The following APBB2 variants were observed in gnomAD, a reference collection of about 807,000 sequenced individuals.
APBB2 encodes amyloid beta precursor protein binding family B member 2, also known as Fe65-like 1.
In APBB2, 38 loss-of-function variants were observed where a neutral mutation model predicts 82.5. That is an observed-to-expected ratio of 0.46 (90% confidence interval 0.36 to 0.60). The LOEUF (loss-of-function observed/expected upper bound fraction) is 0.60. Ranked by LOEUF, APBB2 falls within the 20% of genes least tolerant of loss-of-function variation. The pLI, the probability that APBB2 is intolerant of heterozygous loss-of-function variation, is 0.00. For synonymous variants in APBB2, 341 were observed against 368.2 expected (o/e 0.93, Z 0.85); for missense variants, 772 against 972.3 (o/e 0.79, Z 2.74).
Position 40,812,624 on chromosome 4 carries a change from TGAG to T in APBB2, c.*3465_*3467del, listed in dbSNP as rs10537665. 120,852 of 151,830 alleles carry T rather than the reference TGAG, an allele frequency of 0.8. 48,328 individuals carry two copies. The highest frequency in any genetic ancestry group is 0.83 in the Admixed American group (12,704 of 15,264). The allele number at this position is 151,830 out of a possible 1,614,324, so 9.4% of individuals were successfully genotyped here. On this transcript the variant is annotated 3_prime_UTR_variant, in exon 18 of 18. Transcript: ENST00000508593. The stretch of plus-strand genomic sequence containing the variant: ...TGCTTGTCATGTTGTGGTGAAATCT[TGAG>T]GAGTTTGTGTTGCAATGCCTGGGAC...
chr4:40,891,302 G>C (rs1271019830), intron 11 of APBB2, among the ~76,000 whole-genome samples: 2 of 152,162 alleles, frequency 1.3e-5, no homozygotes, highest in Admixed American at 6.5e-5. Flanking sequence ...TTTGTGGGCA[G>C]AAGCACTAGA....
Position 40,994,285 on chromosome 4 carries a change from C to CA in APBB2, c.835+19297dup, listed in dbSNP as rs34027629. Among the ~76,000 whole-genome samples the CA allele has an allele frequency of 6.7e-4, 94 of 139,594 alleles. 1 individual carries two copies. The highest frequency in any genetic ancestry group is 3.7e-3 in the Middle Eastern group (1 of 268). The allele number at this position is 139,594 out of a possible 152,430, so 91.6% of individuals were successfully genotyped here. On this transcript the variant is annotated intron_variant, in intron 6 of 17. Coordinates refer to ENST00000508593, the MANE Select transcript of APBB2 (RefSeq NM_004307.2). ...CTGGGCAACAGAGCAAGACTCATCTCAAAAAAAAAAAAAAGAAACACCTAG... is the reference window on the plus strand; with the variant it reads ...CTGGGCAACAGAGCAAGACTCATCTCAAAAAAAAAAAAAAAGAAACACCTAG...
intron 10 of APBB2, among the ~76,000 whole-genome samples, chr4:40,897,688 T>C (rs62410312): frequency 0.35 from 53,275 of 151,726 alleles, 9,757 homozygotes; most frequent in East Asian, 0.66. Flanking sequence ...AGGAAACAGG[T>C]GTAAGCGGGA....
At chr4:40,907,599 G>C (rs1443552171) in intron 10 of APBB2, among the ~76,000 whole-genome samples, 3 of 149,988 alleles carry the variant, frequency 2.0e-5, no homozygotes, top group African/African-American at 7.4e-5. Context: ...TTGAATTCCT[G>C]ACCTCAGGTG....
intron 12 of APBB2, among the ~76,000 whole-genome samples, chr4:40,869,848 G>A (rs1764989398): frequency 6.6e-6 from 1 of 151,942 alleles, no homozygotes; most frequent in South Asian, 2.1e-4. Flanking sequence ...TAAATACCTA[G>A]TATTTAGTAA....
rs553368153 is a variant in APBB2, at chr4:40,863,537, T to G, written c.1529+26827A>C. On this transcript the variant is annotated intron_variant, in intron 12 of 17. Transcript: ENST00000508593. ...ATAGCAAGAATCCATACGTGAATCA[T>G]CTAAACCATGATCACACGGACAAAT... Among the ~76,000 whole-genome samples the G allele has an allele frequency of 1.9e-4, 29 of 152,254 alleles. No individual in the cohort carries two copies. In the East Asian group the frequency reaches 5.2e-3, roughly 27 times the overall value.
intron 12 of APBB2, among the ~76,000 whole-genome samples, chr4:40,850,160 A>G (rs887268883): frequency 1.3e-5 from 2 of 152,206 alleles, no homozygotes; most frequent in Non-Finnish European, 2.9e-5. Context: ...GTTTTTGTTA[A>G]GACACGGAGT....
chr4:41,214,242 GGCA>G (rs1780085776), intron 1 of APBB2, among the ~76,000 whole-genome samples, 160 bp downstream of exon 1: 1 of 152,148 alleles, frequency 6.6e-6, no homozygotes, highest in African/African-American at 2.4e-5. Flanking sequence ...CGGCTGAGCG[GGCA>G]GCAGTGGCCG....
At chr4:41,023,774 T>C (rs1712748647) in intron 5 of APBB2, among the ~76,000 whole-genome samples, 1 of 152,182 alleles carries the variant, frequency 6.6e-6, no homozygotes, top group South Asian at 2.1e-4. Flanking sequence ...AATTTACAGA[T>C]TCAATACTAT....
At chr4:41,020,612 CTTATAAGGTAATCCCAAATTTATTAGG>C (rs1811220052) in intron 5 of APBB2, among the ~76,000 whole-genome samples, 1 of 152,194 alleles carries the variant, frequency 6.6e-6, no homozygotes, top group Admixed American at 6.5e-5. Context: ...TCCATATTAA[CTTATAAGGTAATCCCAAATTTATTAGG>C]TTATAAGGTA....
At chr4:40,987,114 T>A (rs1400717195) in intron 6 of APBB2, among the ~76,000 whole-genome samples, 2 of 152,208 alleles carry the variant, frequency 1.3e-5, no homozygotes, top group Admixed American at 1.3e-4. Flanking sequence ...ATTACTATTA[T>A]CCTTAAGAGA....
chr4:41,074,326 T>A (rs1424607797), intron 3 of APBB2, among the ~76,000 whole-genome samples: 1 of 152,156 alleles, frequency 6.6e-6, no homozygotes, highest in Non-Finnish European at 1.5e-5. Flanking sequence ...AAAAAGATGA[T>A]CATTTGAGCT....
intron 1 of APBB2, among the ~76,000 whole-genome samples, chr4:41,191,196 G>C (rs1774331039): frequency 6.6e-6 from 1 of 152,132 alleles, no homozygotes; most frequent in Non-Finnish European, 1.5e-5. Flanking sequence ...GAGGAGGGTG[G>C]ACAACTTCTA....
chr4:41,208,422 C>T lies in APBB2; in HGVS notation c.-417+5983G>A, dbSNP rs375222012. ...AATTACAGGCGTGTGCCACCATGCC[C>T]GGCTAATTTTTGTATTTTTAGCAGA... is the stretch of plus-strand genomic sequence containing the variant. On this transcript the variant is annotated intron_variant, in intron 1 of 17. Coordinates refer to ENST00000508593, the MANE Select transcript of APBB2 (RefSeq NM_004307.2). 1.7e-3 allele frequency among the ~76,000 whole-genome samples: 261 copies of T among 152,192 alleles called. 2 individuals are homozygous for T. The highest frequency in any genetic ancestry group is 3.9e-3 in the African/African-American group (162 of 41,526).
chr4:40,906,800 CCT>C (rs894264363), intron 10 of APBB2, among the ~76,000 whole-genome samples: 2 of 152,138 alleles, frequency 1.3e-5, no homozygotes, highest in African/African-American at 2.4e-5. Context: ...CACATGGTCT[CCT>C]CTCTCCCATT....
At chr4:40,960,391 A>C (rs1475823744) in intron 6 of APBB2, among the ~76,000 whole-genome samples, 1 of 151,924 alleles carries the variant, frequency 6.6e-6, no homozygotes, top group African/African-American at 2.4e-5. Context: ...CTGGTCAAAA[A>C]ATTTACAAAG....
intron 12 of APBB2, among the ~76,000 whole-genome samples, chr4:40,872,241 T>C (rs908924582): frequency 2.6e-5 from 4 of 152,252 alleles, no homozygotes; most frequent in African/African-American, 9.6e-5. Flanking sequence ...GGAAGCCGTG[T>C]CTTCAGCCAA....
chr4:41,099,630 C>T (rs1397055294), intron 3 of APBB2, among the ~76,000 whole-genome samples: 1 of 151,996 alleles, frequency 6.6e-6, no homozygotes, highest in East Asian at 1.9e-4. Context: ...AACAACAGAG[C>T]TATAAAATCC....
At position 41,160,020 on chromosome 4, in the gene APBB2, GAA is replaced by G. The variant is rs1560914291; in HGVS notation, c.-416-16880_-416-16879del. On this transcript the variant is annotated intron_variant, in intron 1 of 17. Coordinates refer to ENST00000508593, the MANE Select transcript of APBB2 (RefSeq NM_004307.2). ...AGAAGAAGAAGAAGAAGAAGAAGAA[GAA>G]GAAGAAGAAGAAGAAAACATCACAG... Among the ~76,000 whole-genome samples, 7 of 147,544 alleles carry G rather than the reference GAA, an allele frequency of 4.7e-5. No individual in the cohort carries two copies. In the East Asian group the frequency reaches 1.2e-3, roughly 25 times the overall value.
Sources: gnomAD v4.1 joint callset for allele counts (sites outside exome capture counted in the v4.1 genomes callset) on GRCh38, gnomAD v4.1.1 for gene constraint, MANE v1.5 for transcripts, NCBI Gene and HGNC (gene_info 2026-07-23, HGNC 2026-07-21) for gene names.